CRYBA4: variants seen among roughly 807,000 people sequenced by gnomAD.
CRYBA4 encodes the protein crystallin beta A4.
Under a neutral mutation model 31.7 loss-of-function variants are expected in CRYBA4, and 30 were observed. The ratio of observed to expected loss-of-function variants is 0.95; its 90% CI spans 0.71 to 1.28. The LOEUF (loss-of-function observed/expected upper bound fraction) is 1.28. CRYBA4 is among the 50% of genes most tolerant of loss of function. The pLI is 0.00. For synonymous variants in CRYBA4, 102 were observed against 102.3 expected (o/e 1.00, Z 0.02); for missense variants, 225 against 260.7 (o/e 0.86, Z 0.94).
chr22:26,610,385 G>C, the CRYBA4 span, among the ~76,000 whole-genome samples: 1 of 151,972 alleles, frequency 6.6e-6, no homozygotes, highest in Non-Finnish European at 1.5e-5. Flanking sequence ...ACAGACCCAG[G>C]CCCCCGGACC....
At chr22:26,604,251 T>G in the CRYBA4 span, among the ~76,000 whole-genome samples, 1 of 152,262 alleles carries the variant, frequency 6.6e-6, no homozygotes, top group Non-Finnish European at 1.5e-5. Flanking sequence ...TTTCTACTTC[T>G]GAGTCTCAGT....
chr22:26,628,416 C>T lies in CRYBA4; in HGVS notation c.429C>T (p.His143=). The change falls in exon 5 of 6, where the codon CAC becomes CAT. Residue 143 remains histidine, a synonymous_variant. Coordinates refer to ENST00000354760, the MANE Select transcript of CRYBA4 (RefSeq NM_001886.3). ...GWEGNEVGSF[H]VHSGAWVCSQ... ...AAGGCAATGAAGTAGGGTCCTTCCACGTCCACTCTGGGGCGTAAGTGTATT... is the reference window on the plus strand; with the variant it reads ...AAGGCAATGAAGTAGGGTCCTTCCATGTCCACTCTGGGGCGTAAGTGTATT... 4 of 1,614,060 alleles carry T rather than the reference C, an allele frequency of 2.5e-6. No individual in the cohort carries two copies. Among genetic ancestry groups the T allele is most frequent in the East Asian group, 4.5e-5 (2 of 44,876 alleles).
the CRYBA4 span, among the ~76,000 whole-genome samples, chr22:26,590,363 G>A: frequency 9.9e-5 from 15 of 152,274 alleles, no homozygotes; most frequent in African/African-American, 3.4e-4. Flanking sequence ...CACTTCTCCC[G>A]GTCAGTTCTG....
At chr22:26,620,966 C>T (rs1313512832), upstream of CRYBA4, among the ~76,000 whole-genome samples, 2 of 152,112 alleles carry the variant, frequency 1.3e-5, no homozygotes, top group East Asian at 1.9e-4. Context: ...CCAGGTCACA[C>T]GGATGGTAAG....
chr22:26,593,438 G>A, the CRYBA4 span, among the ~76,000 whole-genome samples: 1 of 151,744 alleles, frequency 6.6e-6, no homozygotes, highest in African/African-American at 2.4e-5. Flanking sequence ...AGGAGATTGA[G>A]ACCAGCCTGG....
chr22:26,599,137 T>A, the CRYBA4 span: 1 of 296,592 alleles, frequency 3.4e-6, no homozygotes, highest in East Asian at 7.9e-5. Context: ...CTGGACCATC[T>A]CTTACCTAGT....
At chr22:26,601,913 C>A in the CRYBA4 span, 1 of 1,612,484 alleles carries the variant, frequency 6.2e-7, no homozygotes, top group African/African-American at 1.3e-5. Context: ...CCCACGCGGT[C>A]ACTGAAGCCG....
At chr22:26,620,461 G>T (rs1023889300), upstream of CRYBA4, among the ~76,000 whole-genome samples, 22 of 151,642 alleles carry the variant, frequency 1.5e-4, no homozygotes, top group African/African-American at 4.1e-4. Flanking sequence ...TACCCAGCCA[G>T]CACCAGTGGG....
chr22:26,625,574 G>A lies in CRYBA4; in HGVS notation c.252G>A (p.Thr84=), dbSNP rs773381732. ...YPSWDAWGGN[T]AYPAERLTSF... is the part of the protein sequence containing the mutation. ...GCTGGGATGCCTGGGGCGGCAACAC[G>A]GCCTACCCCGCCGAGAGGCTCACCT... Residue 84 remains threonine, a synonymous_variant, in exon 4 of 6, where the codon ACG becomes ACA. Transcript: ENST00000354760. The A allele has an allele frequency of 2.2e-5, 35 of 1,613,688 alleles. No homozygotes were observed. The highest frequency in any genetic ancestry group is 1.6e-4 in the Middle Eastern group (1 of 6,084).
the CRYBA4 span, among the ~76,000 whole-genome samples, chr22:26,595,329 C>T: frequency 6.6e-6 from 1 of 152,082 alleles, no homozygotes; most frequent in Admixed American, 6.5e-5. Context: ...GTAATCCCAG[C>T]ACTTTGGGAG....
the CRYBA4 span, chr22:26,599,572 A>G: frequency 6.2e-7 from 1 of 1,614,204 alleles, no homozygotes; most frequent in Admixed American, 1.7e-5. Flanking sequence ...CAGGGACTGC[A>G]TCTGTGGCTG....
At chr22:26,600,368 C>T in the CRYBA4 span, among the ~76,000 whole-genome samples, 3 of 151,952 alleles carry the variant, frequency 2.0e-5, no homozygotes, top group East Asian at 3.9e-4. Flanking sequence ...CACCACTGTA[C>T]TCCAGCCTGA....
At chr22:26,592,431 C>A in the CRYBA4 span, among the ~76,000 whole-genome samples, 11 of 152,210 alleles carry the variant, frequency 7.2e-5, no homozygotes, top group Non-Finnish European at 1.5e-4. Flanking sequence ...AGAGATTAAC[C>A]TGGTCCAGGG....
chr22:26,606,076 C>T, the CRYBA4 span, among the ~76,000 whole-genome samples: 8 of 152,118 alleles, frequency 5.3e-5, no homozygotes, highest in Admixed American at 2.0e-4. Context: ...TATGTGTAGC[C>T]CAAGACAATT....
the CRYBA4 span, chr22:26,599,314 A>G: frequency 3.2e-6 from 2 of 618,628 alleles, no homozygotes; most frequent in Non-Finnish European, 5.7e-6. Context: ...TATCGTTGTA[A>G]TTATTAAGAG....
chr22:26,626,290 G>A (rs1929702328), intron 4 of CRYBA4, among the ~76,000 whole-genome samples: 1 of 152,198 alleles, frequency 6.6e-6, no homozygotes, highest in African/African-American at 2.4e-5. Flanking sequence ...TGTAGTCCCA[G>A]CTACTCAGGA....
chr22:26,626,381 G>A (rs1929705132), intron 4 of CRYBA4, among the ~76,000 whole-genome samples: 1 of 152,184 alleles, frequency 6.6e-6, no homozygotes, highest in Admixed American at 6.5e-5. Context: ...TCCAGCCTGG[G>A]CGCCAGAGCA....
the CRYBA4 span, among the ~76,000 whole-genome samples, chr22:26,601,304 C>T: frequency 6.6e-6 from 1 of 152,046 alleles, no homozygotes; most frequent in African/African-American, 2.4e-5. Flanking sequence ...TCATGGGGCT[C>T]CGTTTTGATA....
At chr22:26,609,131 G>C in the CRYBA4 span, among the ~76,000 whole-genome samples, 1 of 152,088 alleles carries the variant, frequency 6.6e-6, no homozygotes, top group Non-Finnish European at 1.5e-5. Flanking sequence ...ACGGATGAGG[G>C]GACACTGACA....
Sources: gnomAD v4.1 joint callset for allele counts (sites outside exome capture counted in the v4.1 genomes callset) on GRCh38, gnomAD v4.1.1 for gene constraint, MANE v1.5 for transcripts, NCBI Gene and HGNC (gene_info 2026-07-23, HGNC 2026-07-21) for gene names.